The following ADGRL2 variants were observed in gnomAD, a reference collection of about 807,000 sequenced individuals.
The protein encoded by ADGRL2 is calcium-independent alpha-latrotoxin receptor 2.
In ADGRL2, 44 loss-of-function variants were observed where a neutral mutation model predicts 157.4. The observed-to-expected ratio is 0.28, with a 90% confidence interval of 0.22 to 0.36. The LOEUF is 0.36. Among genes scored for constraint, ADGRL2 ranks in the 10% least tolerant of loss-of-function variants. The pLI, the probability that ADGRL2 is intolerant of heterozygous loss-of-function variation, is 1.00. For missense variants in ADGRL2, 1,510 were observed against 1,768.9 expected, an observed-to-expected ratio of 0.85 and a Z score of 2.63; for synonymous variants, 585 against 624.7, an observed-to-expected ratio of 0.94 and a Z score of 0.95.
intron 1 of ADGRL2, among the ~76,000 whole-genome samples, chr1:81,411,009 T>C (rs761736445): frequency 2.0e-5 from 3 of 152,174 alleles, no homozygotes; most frequent in African/African-American, 7.2e-5. Context: ...TAGAAAGAGA[T>C]TGTATCGGAA....
chr1:81,385,973 C>G (rs187083413), intron 1 of ADGRL2, among the ~76,000 whole-genome samples: 12 of 152,114 alleles, frequency 7.9e-5, no homozygotes, highest in African/African-American at 2.9e-4. Context: ...CGATATGTCT[C>G]TATAATTGTC....
At chr1:81,868,671 G>T (rs769985382) in intron 2 of ADGRL2, among the ~76,000 whole-genome samples, 1 of 152,034 alleles carries the variant, frequency 6.6e-6, no homozygotes, top group East Asian at 1.9e-4. Context: ...GAAGCTACCT[G>T]CCCAATTAAA....
chr1:81,457,068 A>T (rs762846165), intron 2 of ADGRL2, among the ~76,000 whole-genome samples: 4 of 152,164 alleles, frequency 2.6e-5, no homozygotes, highest in Non-Finnish European at 5.9e-5. Flanking sequence ...GCATCCCCCA[A>T]TATGGTGCTA....
At chr1:81,440,408 T>A (rs1349280225) in intron 1 of ADGRL2, among the ~76,000 whole-genome samples, 2 of 152,178 alleles carry the variant, frequency 1.3e-5, no homozygotes, top group African/African-American at 4.8e-5. Context: ...TACTTAAAGG[T>A]TGGACATTAT....
At chr1:81,316,555 C>T (rs746248638) in intron 1 of ADGRL2, among the ~76,000 whole-genome samples, 1 of 152,120 alleles carries the variant, frequency 6.6e-6, no homozygotes, top group Non-Finnish European at 1.5e-5. Flanking sequence ...AATAATGAAA[C>T]TTCACTAAAC....
intron 2 of ADGRL2, among the ~76,000 whole-genome samples, chr1:81,561,879 G>A (rs182293365): frequency 2.0e-5 from 3 of 152,094 alleles, no homozygotes; most frequent in Admixed American, 6.6e-5. Flanking sequence ...AACATACAAA[G>A]CTTAGAAGAG....
At chr1:81,954,330 T>C (rs1204514967) in intron 10 of ADGRL2, among the ~76,000 whole-genome samples, 2 of 151,890 alleles carry the variant, frequency 1.3e-5, no homozygotes, top group African/African-American at 4.8e-5. Flanking sequence ...TTCAAATTAA[T>C]AAAAGCATGC....
At chr1:81,462,494 G>A (rs1327050256) in intron 2 of ADGRL2, among the ~76,000 whole-genome samples, 1 of 152,226 alleles carries the variant, frequency 6.6e-6, no homozygotes, top group East Asian at 1.9e-4. Context: ...CATCAGGGAG[G>A]GAGGGAGGGA....
chr1:81,538,166 C>T (rs2079791530), intron 2 of ADGRL2, among the ~76,000 whole-genome samples: 2 of 152,108 alleles, frequency 1.3e-5, no homozygotes, highest in South Asian at 2.1e-4. Context: ...TTATATTTTG[C>T]TCTTCCCAAC....
intron 4 of ADGRL2, among the ~76,000 whole-genome samples, chr1:81,938,474 A>C (rs2095341410): frequency 6.6e-6 from 1 of 151,754 alleles, no homozygotes; most frequent in Non-Finnish European, 1.5e-5. Flanking sequence ...TGGAACATCT[A>C]ACTTGCAAAA....
At chr1:81,969,524 G>A in intron 15 of ADGRL2, 137 bp downstream of exon 15, 1 of 602,228 alleles carries the variant, frequency 1.7e-6, no homozygotes, top group Non-Finnish European at 2.9e-6. Flanking sequence ...AAGACAATTT[G>A]TAGTAAATTA....
At chr1:81,781,725 A>G (rs1239485785) in intron 2 of ADGRL2, among the ~76,000 whole-genome samples, 1 of 152,198 alleles carries the variant, frequency 6.6e-6, no homozygotes, top group Non-Finnish European at 1.5e-5. Flanking sequence ...GCATGCAGAT[A>G]AAGCATATCT....
chr1:81,576,262 T>C (rs1442864225), intron 2 of ADGRL2, among the ~76,000 whole-genome samples: 1 of 152,116 alleles, frequency 6.6e-6, no homozygotes, highest in African/African-American at 2.4e-5. Flanking sequence ...TGTTGCTCTT[T>C]TTCACCAGTG....
chr1:81,483,291 C>A (rs936856610), intron 2 of ADGRL2, among the ~76,000 whole-genome samples: 2 of 152,114 alleles, frequency 1.3e-5, no homozygotes, highest in Non-Finnish European at 2.9e-5. Context: ...ACAAAAACCA[C>A]GGCTGTTATA....
chr1:81,631,216 T>G (rs2082004564), intron 3 of ADGRL2, among the ~76,000 whole-genome samples: 1 of 151,646 alleles, frequency 6.6e-6, no homozygotes, highest in Non-Finnish European at 1.5e-5. Flanking sequence ...TTCTTTTTTC[T>G]TTTCTTTTGT....
At chr1:81,633,352 T>G (rs967836133) in intron 3 of ADGRL2, among the ~76,000 whole-genome samples, 8 of 151,870 alleles carry the variant, frequency 5.3e-5, no homozygotes, top group Non-Finnish European at 1.2e-4. Flanking sequence ...TCCCAGCACT[T>G]TGGGAGGCTG....
intron 2 of ADGRL2, chr1:81,501,742 C>T (rs778998121): frequency 6.2e-7 from 1 of 1,609,610 alleles, no homozygotes; most frequent in Non-Finnish European, 8.5e-7. Flanking sequence ...AGAGTCATGC[C>T]ACTCTGTGGG....
intron 23 of ADGRL2, 95 bp downstream of exon 23, chr1:81,987,981 G>A: frequency 7.5e-6 from 2 of 266,770 alleles, no homozygotes; most frequent in Non-Finnish European, 1.6e-5. Context: ...CAGTCATGAA[G>A]TAGACTCAGC....
At chr1:81,693,587 G>A (rs541019865) in intron 3 of ADGRL2, among the ~76,000 whole-genome samples, 1 of 152,252 alleles carries the variant, frequency 6.6e-6, no homozygotes, top group African/African-American at 2.4e-5. Context: ...TTTATCCCAG[G>A]GAATGTGGAC....
Sources: gnomAD v4.1 joint callset for allele counts (sites outside exome capture counted in the v4.1 genomes callset) on GRCh38, gnomAD v4.1.1 for gene constraint, MANE v1.5 for transcripts, NCBI Gene and HGNC (gene_info 2026-07-23, HGNC 2026-07-21) for gene names.